GABRA2: variants seen among roughly 807,000 people sequenced by gnomAD.
GABRA2 encodes the protein gamma-aminobutyric acid type A receptor subunit alpha2.
In GABRA2, 16 loss-of-function variants were observed where a neutral mutation model predicts 48.7. The ratio of observed to expected loss-of-function variants is 0.33; its 90% confidence interval spans 0.22 to 0.50. The LOEUF (loss-of-function observed/expected upper bound fraction) is 0.50, where lower values mean the gene tolerates loss of function less well. Ranked by LOEUF, GABRA2 falls within the 20% of genes least tolerant of loss-of-function variation. GABRA2 has a pLI of 0.98. For synonymous variants in GABRA2, 185 were observed against 184.5 expected (o/e 1.00, Z -0.02); for missense variants, 275 against 535.6 (o/e 0.51, Z 4.80).
At chr4:46,380,226 A>G (rs1716576064) in intron 3 of GABRA2, among the ~76,000 whole-genome samples, 1 of 152,230 alleles carries the variant, frequency 6.6e-6, no homozygotes, top group Non-Finnish European at 1.5e-5. Context: ...AAATTTTTAT[A>G]TGTCATGACA....
chr4:46,351,083 A>G (rs1022016352), intron 3 of GABRA2, among the ~76,000 whole-genome samples: 2 of 151,442 alleles, frequency 1.3e-5, no homozygotes, highest in Non-Finnish European at 2.9e-5. Flanking sequence ...TATCACTTCA[A>G]CTCATTTTAT....
intron 3 of GABRA2, among the ~76,000 whole-genome samples, chr4:46,336,444 T>A (rs1157906112): frequency 6.6e-6 from 1 of 152,258 alleles, no homozygotes; most frequent in South Asian, 2.1e-4. Context: ...AAGCAGCTCC[T>A]AGCAGAAATA....
intron 8 of GABRA2, among the ~76,000 whole-genome samples, chr4:46,295,068 A>G (rs1051845431): frequency 2.0e-5 from 3 of 152,166 alleles, no homozygotes; most frequent in African/African-American, 7.2e-5. Context: ...TGATCAGTTG[A>G]CAAAGGAAGA....
chr4:46,296,021 C>T (rs1473554609), intron 8 of GABRA2, among the ~76,000 whole-genome samples: 1 of 152,122 alleles, frequency 6.6e-6, no homozygotes, highest in Admixed American at 6.5e-5. Context: ...TCCCCATCAT[C>T]CTGAAGCAGC....
chr4:46,363,763 A>T (rs1257853922), intron 3 of GABRA2: 1 of 152,172 alleles, frequency 6.6e-6, no homozygotes, highest in African/African-American at 2.4e-5. Context: ...ATAAAAATAA[A>T]ATTAAACATT....
In GABRA2 at chr4:46,390,029, G is replaced by A; in HGVS notation, c.-305C>T. ...GAGGAGGAGGAGGAAGAGGAGGAGG[G>A]GGAAAACGATGACAGGAGCTGGGGC... On this transcript the variant is annotated 5_prime_UTR_variant, in exon 1 of 10. Coordinates refer to ENST00000381620, the MANE Select transcript of GABRA2 (RefSeq NM_000807.4). The A allele has an allele frequency of 1.0e-5, 8 of 777,668 alleles. No homozygotes were observed. The highest frequency in any genetic ancestry group is 6.3e-4 in the Middle Eastern group (1 of 1,580). The allele number at this position is 777,668 out of a possible 1,614,324, so 48.2% of individuals were successfully genotyped here. A position where few individuals can be genotyped will look rare whatever the true frequency, so the allele number is the denominator to read the frequency against.
At chr4:46,275,517 G>A (rs748142971) in intron 8 of GABRA2, among the ~76,000 whole-genome samples, 10 of 152,206 alleles carry the variant, frequency 6.6e-5, no homozygotes, top group Non-Finnish European at 1.3e-4. Context: ...CTCTATAGAA[G>A]AGGTTCAACC....
chr4:46,282,376 C>CAT (rs1270567650), intron 8 of GABRA2, among the ~76,000 whole-genome samples: 1 of 152,156 alleles, frequency 6.6e-6, no homozygotes, highest in Non-Finnish European at 1.5e-5. Context: ...GGACGGGAGA[C>CAT]ATATCTGAGA....
intron 9 of GABRA2, among the ~76,000 whole-genome samples, chr4:46,251,070 C>T (rs923125433): frequency 6.6e-6 from 1 of 151,484 alleles, no homozygotes; most frequent in African/African-American, 2.4e-5. Flanking sequence ...ATGCTTTACT[C>T]AGATGATGGG....
intron 3 of GABRA2, among the ~76,000 whole-genome samples, chr4:46,361,538 G>T (rs1713186160): frequency 6.6e-6 from 1 of 152,238 alleles, no homozygotes; most frequent in Non-Finnish European, 1.5e-5. Context: ...GGCCCTCATG[G>T]AGAACCTCTG....
intron 4 of GABRA2, among the ~76,000 whole-genome samples, chr4:46,315,942 T>C (rs279855): frequency 0.38 from 56,626 of 147,964 alleles, 11,310 homozygotes; most frequent in East Asian, 0.52. Context: ...AGTACATATA[T>C]ACACACACAC....
chr4:46,303,711 A>T, intron 7 of GABRA2, 99 bp from the exon 8 acceptor site: 4 of 992,348 alleles, frequency 4.0e-6, no homozygotes, highest in Non-Finnish European at 6.0e-6. Flanking sequence ...TGATTTTTTA[A>T]AAAATAATAT....
At chr4:46,324,227 G>A (rs1729941626) in intron 4 of GABRA2, among the ~76,000 whole-genome samples, 1 of 151,900 alleles carries the variant, frequency 6.6e-6, no homozygotes, top group African/African-American at 2.4e-5. Context: ...ATGACACAAT[G>A]TTCCCTCCCT....
chr4:46,289,919 T>C (rs137891107), intron 8 of GABRA2, among the ~76,000 whole-genome samples: 1 of 126,116 alleles, frequency 7.9e-6, no homozygotes, highest in Non-Finnish European at 1.5e-5. Flanking sequence ...TTTTATTTTT[T>C]TTTTTTTTTT....
intron 2 of GABRA2, among the ~76,000 whole-genome samples, chr4:46,387,444 T>C (rs1717620920): frequency 1.3e-5 from 2 of 152,180 alleles, no homozygotes; most frequent in South Asian, 4.1e-4. Context: ...ACAAATATTG[T>C]CTTAAGAGCA....
At chr4:46,352,398 T>C (rs1196456866) in intron 3 of GABRA2, among the ~76,000 whole-genome samples, 1 of 151,974 alleles carries the variant, frequency 6.6e-6, no homozygotes, top group African/African-American at 2.4e-5. Flanking sequence ...AAACAGAAAT[T>C]GTAAGTAAGC....
intron 9 of GABRA2, among the ~76,000 whole-genome samples, chr4:46,259,369 A>G (rs899791322): frequency 6.6e-6 from 1 of 151,880 alleles, no homozygotes; most frequent in African/African-American, 2.4e-5. Context: ...TAATTTCACA[A>G]CTGAGGCTAA....
chr4:46,339,557 T>C (rs561983479), intron 3 of GABRA2, among the ~76,000 whole-genome samples: 2 of 152,010 alleles, frequency 1.3e-5, no homozygotes, highest in African/African-American at 2.4e-5. Flanking sequence ...AAGCTTATTA[T>C]AGCCTAACAA....
chr4:46,315,940 T>TACACACACACAC (rs146274569), intron 4 of GABRA2, among the ~76,000 whole-genome samples: 5 of 149,550 alleles, frequency 3.3e-5, no homozygotes, highest in Non-Finnish European at 6.0e-5. Flanking sequence ...TTAGTACATA[T>TACACACACACAC]ATACACACAC....
Sources: allele counts gnomAD v4.1 joint callset (sites outside exome capture counted in the v4.1 genomes callset), GRCh38; gene constraint gnomAD v4.1.1; transcripts MANE v1.5; gene names NCBI Gene and HGNC (gene_info 2026-07-23, HGNC 2026-07-21).